CDC14A: variants seen among roughly 807,000 people sequenced by gnomAD.
CDC14A encodes the protein dual specificity protein phosphatase CDC14A.
CDC14A carries 53 observed loss-of-function variants against 74.4 expected under a neutral mutation model. The ratio of observed to expected loss-of-function variants is 0.71; its 90% CI spans 0.57 to 0.89. CDC14A has a LOEUF of 0.89. Among genes scored for constraint, CDC14A ranks in the 40% least tolerant of loss-of-function variants. The probability of loss-of-function intolerance (pLI) is 0.00; values close to 1 mark genes in which losing one functional copy is unlikely to be tolerated. For synonymous variants in CDC14A, 247 were observed against 258.4 expected (o/e 0.96, Z 0.43); for missense variants, 646 against 713.7 (o/e 0.91, Z 1.08).
chr1:100,390,851 C>G (rs1657600676), intron 4 of CDC14A, 27 bp downstream of exon 4: 1 of 1,484,262 alleles, frequency 6.7e-7, no homozygotes, highest in Non-Finnish European at 9.4e-7. Context: ...TGATTATTTT[C>G]TATAATCAGG....
At chr1:100,469,708 A>T (rs1435293268) in intron 10 of CDC14A, among the ~76,000 whole-genome samples, 1 of 152,198 alleles carries the variant, frequency 6.6e-6, no homozygotes, top group Non-Finnish European at 1.5e-5. Flanking sequence ...TGCCCCAGGC[A>T]TTCTGCTAAG....
intron 10 of CDC14A, among the ~76,000 whole-genome samples, chr1:100,483,055 C>T (rs987242018): frequency 2.6e-5 from 4 of 151,974 alleles, no homozygotes; most frequent in Non-Finnish European, 4.4e-5. Context: ...TGAACATTTG[C>T]GTGTATGTGT....
intron 5 of CDC14A, among the ~76,000 whole-genome samples, chr1:100,436,778 A>T (rs1664394071): frequency 6.6e-6 from 1 of 152,032 alleles, no homozygotes; most frequent in Admixed American, 6.6e-5. Context: ...TGGTCTTCTA[A>T]CTTATTTACC....
At chr1:100,464,226 G>A (rs6668868) in intron 9 of CDC14A, among the ~76,000 whole-genome samples, 8,896 of 152,224 alleles carry the variant, frequency 0.058, 885 homozygotes, top group African/African-American at 0.2. Context: ...CCCATGCCAG[G>A]CTCCCTCCTC....
At chr1:100,440,178 GAGGGAGTGGC>G (rs1664769093) in intron 6 of CDC14A, among the ~76,000 whole-genome samples, 180 bp downstream of exon 6, 1 of 152,222 alleles carries the variant, frequency 6.6e-6, no homozygotes, top group South Asian at 2.1e-4. Flanking sequence ...AAACTGGGAG[GAGGGAGTGGC>G]AGGGGCCTTT....
At position 100,391,727 on chromosome 1, in the gene CDC14A, C is replaced by T. The variant is rs12074444; in HGVS notation, c.309+903C>T. 3.4e-3 allele frequency among the ~76,000 whole-genome samples: 512 copies of T among 152,304 alleles called. 4 individuals are homozygous for T. Among genetic ancestry groups the T allele is most frequent in the African/African-American group, 0.011 (450 of 41,568 alleles). On this transcript the variant is annotated intron_variant, in intron 4 of 15. Transcript: ENST00000336454. ...AGCTACTAGACCTCAAACTCTGCCC[C>T]ATCAACCCAAAAGCTCTAGGGGAAA...
chr1:100,462,588 G>C (rs1449626866), intron 8 of CDC14A, 63 bp from the exon 9 acceptor site: 1 of 1,240,682 alleles, frequency 8.1e-7, no homozygotes. Context: ...TGAGAGTTTT[G>C]TATTTCTGGG....
Position 100,518,321 on chromosome 1 carries a change from C to G in CDC14A, c.*41C>G, listed in dbSNP as rs770841250. On this transcript the variant is annotated 3_prime_UTR_variant, in exon 16 of 16. Coordinates refer to ENST00000336454, the MANE Select transcript of CDC14A (RefSeq NM_003672.4). ...GTGAAAGCTGTTCTTCTCTTAGACA[C>G]AATTTCTTCATCTGGACGAGCAGTG... 5.2e-6 allele frequency: 8 copies of G among 1,539,972 alleles called. No homozygotes were observed. Among genetic ancestry groups the G allele is most frequent in the Non-Finnish European group, 7.2e-6 (8 of 1,113,960 alleles).
chr1:100,467,836 C>T (rs888809453), intron 9 of CDC14A, 120 bp from the exon 10 acceptor site: 49 of 938,558 alleles, frequency 5.2e-5, no homozygotes, highest in Non-Finnish European at 7.3e-5. Context: ...TGTTTATTAG[C>T]TGTTGATAAT....
chr1:100,514,047 A>G (rs570022975), intron 15 of CDC14A, among the ~76,000 whole-genome samples: 3 of 152,168 alleles, frequency 2.0e-5, no homozygotes, highest in Non-Finnish European at 2.9e-5. Context: ...CTAACTCACT[A>G]TAACTCTGTT....
intron 4 of CDC14A, among the ~76,000 whole-genome samples, chr1:100,402,036 TAAA>T (rs113266871): frequency 7.1e-6 from 1 of 139,904 alleles, no homozygotes. Context: ...AGAACTCCAT[TAAA>T]AAAAAAAAAG....
At chr1:100,348,344 C>A (rs372858578), upstream of CDC14A, among the ~76,000 whole-genome samples, 2 of 147,826 alleles carry the variant, frequency 1.4e-5, no homozygotes, top group African/African-American at 2.5e-5. Context: ...AAATTTAATT[C>A]TTTTGTTTTT....
chr1:100,447,198 C>G (rs1385629887), intron 7 of CDC14A, among the ~76,000 whole-genome samples: 2 of 152,180 alleles, frequency 1.3e-5, no homozygotes, highest in African/African-American at 4.8e-5. Flanking sequence ...GAGTTAATTT[C>G]AAAGCCCTGT....
At chr1:100,498,752 A>G (rs1200521168) in intron 14 of CDC14A, among the ~76,000 whole-genome samples, 177 bp from the exon 15 acceptor site, 1 of 152,228 alleles carries the variant, frequency 6.6e-6, no homozygotes, top group East Asian at 1.9e-4. Flanking sequence ...ACTCAAGGCT[A>G]CATATTATCA....
At chr1:100,464,930 T>TC (rs1308688874) in intron 9 of CDC14A, among the ~76,000 whole-genome samples, 1 of 150,198 alleles carries the variant, frequency 6.7e-6, no homozygotes, top group Non-Finnish European at 1.5e-5. Context: ...TCTTTTCTTT[T>TC]TTTTTTTTTT....
chr1:100,371,907 G>A (rs1310877584), intron 2 of CDC14A, among the ~76,000 whole-genome samples: 2 of 152,084 alleles, frequency 1.3e-5, no homozygotes, highest in African/African-American at 4.8e-5. Flanking sequence ...TAGAAAAAAG[G>A]TTACCTTAAT....
chr1:100,469,527 G>T (rs941547979), intron 10 of CDC14A, among the ~76,000 whole-genome samples: 1 of 152,106 alleles, frequency 6.6e-6, no homozygotes, highest in Non-Finnish European at 1.5e-5. Flanking sequence ...TGTGCCTGTA[G>T]CCTGGAGCTT....
intron 4 of CDC14A, among the ~76,000 whole-genome samples, chr1:100,401,476 T>A (rs1659250315): frequency 6.6e-6 from 1 of 152,156 alleles, no homozygotes; most frequent in African/African-American, 2.4e-5. Context: ...ACAGCAAGAA[T>A]CAGTGTTGCA....
At chr1:100,490,628 C>T (rs480398) in intron 11 of CDC14A, among the ~76,000 whole-genome samples, 142,353 of 152,126 alleles carry the variant, frequency 0.94, 67,143 homozygotes, top group Non-Finnish European at 1. Flanking sequence ...TGTGTCCCTC[C>T]CCCGAGTCTT....
Sources: gnomAD v4.1 joint callset for allele counts (sites outside exome capture counted in the v4.1 genomes callset) on GRCh38, gnomAD v4.1.1 for gene constraint, MANE v1.5 for transcripts, NCBI Gene and HGNC (gene_info 2026-07-23, HGNC 2026-07-21) for gene names.